Variants in LIMCH1 observed in about 807,000 individuals in gnomAD.
LIMCH1 encodes LIM and calponin homology domains 1.
A neutral mutation model predicts 176.5 loss-of-function variants in LIMCH1; 113 were observed. The observed-to-expected ratio is 0.64, with a 90% CI of 0.55 to 0.75. The LOEUF (loss-of-function observed/expected upper bound fraction) is 0.75. Among genes scored for constraint, LIMCH1 ranks in the 30% least tolerant of loss-of-function variants. The pLI is 0.00. For missense variants in LIMCH1, 1,674 were observed against 1,814.9 expected, an observed-to-expected ratio of 0.92 and a Z score of 1.41; for synonymous variants, 619 against 645.9, an observed-to-expected ratio of 0.96 and a Z score of 0.63.
intron 1 of LIMCH1, among the ~76,000 whole-genome samples, chr4:41,556,220 C>A (rs1317329785): frequency 1.3e-5 from 2 of 151,886 alleles, no homozygotes; most frequent in Non-Finnish European, 1.5e-5. Flanking sequence ...CATGGCAAAA[C>A]CCTGTCTCTA....
At chr4:41,639,677 A>G (rs1005736039) in intron 14 of LIMCH1, among the ~76,000 whole-genome samples, 3 of 152,160 alleles carry the variant, frequency 2.0e-5, no homozygotes, top group African/African-American at 7.2e-5. Context: ...TGGATTTCCC[A>G]TATGCAGATC....
At chr4:41,623,716 G>A (rs563547427) in intron 7 of LIMCH1, among the ~76,000 whole-genome samples, 44 of 152,250 alleles carry the variant, frequency 2.9e-4, no homozygotes, top group Admixed American at 1.3e-3. Context: ...AGCCGAGATC[G>A]TGTCACTGCA....
intron 1 of LIMCH1, among the ~76,000 whole-genome samples, chr4:41,400,540 T>A (rs2058321908): frequency 6.6e-6 from 1 of 152,184 alleles, no homozygotes; most frequent in Non-Finnish European, 1.5e-5. Context: ...ACTCTCTCTC[T>A]TATTATGTGT....
intron 1 of LIMCH1, among the ~76,000 whole-genome samples, chr4:41,571,873 C>A (rs962285905): frequency 2.0e-5 from 3 of 152,004 alleles, no homozygotes; most frequent in Non-Finnish European, 2.9e-5. Context: ...ACCTCAGAAA[C>A]CTTTATTCTT....
chr4:41,509,006 A>G (rs1242960193), intron 2 of LIMCH1, among the ~76,000 whole-genome samples: 2 of 152,164 alleles, frequency 1.3e-5, no homozygotes, highest in African/African-American at 4.8e-5. Context: ...TTTCTGAAAC[A>G]TTGGTAAAGA....
chr4:41,360,975 C>T lies in LIMCH1; in HGVS notation c.96+39C>T. ...GCTGGCGGGCGGCCTTGCACTGGCG[C>T]CCTGAGCCACGGACCCGCGCACGCT... On this transcript the variant is annotated intron_variant, in intron 1 of 26. Transcript: ENST00000313860. The surrounding 1 kb of genome is among the most constrained non-coding windows in gnomAD (Gnocchi z 4.5). The T allele has an allele frequency of 6.8e-7, 1 of 1,466,606 alleles. No homozygotes were observed. The highest frequency in any genetic ancestry group is 9.2e-7 in the Non-Finnish European group (1 of 1,083,344). The allele number at this position is 1,466,606 out of a possible 1,614,324, so 90.8% of individuals were successfully genotyped here.
At chr4:41,523,367 T>C (rs1469829011) in intron 2 of LIMCH1, among the ~76,000 whole-genome samples, 6 of 152,134 alleles carry the variant, frequency 3.9e-5, no homozygotes, top group Non-Finnish European at 4.4e-5. Context: ...CCATAGACAA[T>C]ATGTAAATGA....
At chr4:41,672,982 G>A (rs2095101245) in intron 22 of LIMCH1, among the ~76,000 whole-genome samples, 1 of 152,168 alleles carries the variant, frequency 6.6e-6, no homozygotes, top group African/African-American at 2.4e-5. Flanking sequence ...CTAGCACAGT[G>A]GCTGATATGT....
At chr4:41,407,314 G>C (rs111465056) in intron 1 of LIMCH1, among the ~76,000 whole-genome samples, 1 of 152,054 alleles carries the variant, frequency 6.6e-6, no homozygotes, top group East Asian at 1.9e-4. Context: ...CTGCATCTTC[G>C]ACCTGCTGGG....
chr4:41,676,488 T>C, intron 23 of LIMCH1, 26 bp downstream of exon 23: 5 of 1,576,392 alleles, frequency 3.2e-6, no homozygotes, highest in Non-Finnish European at 4.4e-6. Flanking sequence ...CTGCTTTTTT[T>C]GTTTTTCCTT....
At chr4:41,366,939 G>A (rs2053098266) in intron 1 of LIMCH1, among the ~76,000 whole-genome samples, 1 of 152,192 alleles carries the variant, frequency 6.6e-6, no homozygotes, top group Admixed American at 6.5e-5. Flanking sequence ...TGGCTGGGGA[G>A]GCCTCAAGAA....
chr4:41,360,659 G>C (rs961055738), upstream of LIMCH1: 2 of 320,642 alleles, frequency 6.2e-6, no homozygotes, highest in African/African-American at 4.4e-5. The surrounding 1 kb of genome is among the most constrained non-coding windows in gnomAD (Gnocchi z 4.5). Flanking sequence ...GGCGGCGCCG[G>C]GAACAGCTGC....
chr4:41,603,493 A>G (rs2090267365), intron 2 of LIMCH1, among the ~76,000 whole-genome samples: 1 of 152,224 alleles, frequency 6.6e-6, no homozygotes, highest in East Asian at 1.9e-4. Flanking sequence ...AAATACTTGC[A>G]TGAAGATTTT....
chr4:41,692,677 A>G, intron 31 of LIMCH1: 1 of 282,078 alleles, frequency 3.5e-6, no homozygotes, highest in Non-Finnish European at 6.8e-6. Flanking sequence ...AGGAGATATA[A>G]GGTCTGTCAA....
At chr4:41,382,188 G>T (rs1196489568) in intron 1 of LIMCH1, among the ~76,000 whole-genome samples, 1 of 152,196 alleles carries the variant, frequency 6.6e-6, no homozygotes, top group Non-Finnish European at 1.5e-5. Context: ...AGCTAATACA[G>T]TGATCAAAAA....
intron 1 of LIMCH1, among the ~76,000 whole-genome samples, chr4:41,448,796 T>A (rs1261054766): frequency 6.6e-6 from 1 of 152,160 alleles, no homozygotes; most frequent in South Asian, 2.1e-4. Flanking sequence ...AGATGAACTT[T>A]GGCATCTGTA....
At chr4:41,431,343 G>C (rs1039539643) in intron 1 of LIMCH1, among the ~76,000 whole-genome samples, 10 of 152,146 alleles carry the variant, frequency 6.6e-5, no homozygotes, top group Non-Finnish European at 1.3e-4. Flanking sequence ...GTAGAACTTT[G>C]GGCAGATTGC....
At chr4:41,435,044 T>G (rs1364810665) in intron 1 of LIMCH1, among the ~76,000 whole-genome samples, 1 of 152,214 alleles carries the variant, frequency 6.6e-6, no homozygotes, top group Non-Finnish European at 1.5e-5. Context: ...AATGAGACTT[T>G]GCAGATATGG....
intron 1 of LIMCH1, chr4:41,389,541 A>G (rs911824414): frequency 6.2e-6 from 1 of 161,670 alleles, no homozygotes; most frequent in African/African-American, 2.4e-5. Flanking sequence ...TACCACCCTC[A>G]TGACTTCATA....
Sources: gnomAD v4.1 joint callset for allele counts (sites outside exome capture counted in the v4.1 genomes callset) on GRCh38, gnomAD v4.1.1 for gene constraint, Gnocchi (gnomAD v3.1) non-coding constraint, MANE v1.5 for transcripts, NCBI Gene and HGNC (gene_info 2026-07-23, HGNC 2026-07-21) for gene names.